GRID2: variants seen among roughly 807,000 people sequenced by gnomAD.
The protein encoded by GRID2 is glutamate receptor ionotropic, delta-2.
Under a neutral mutation model 114.8 loss-of-function variants are expected in GRID2, and 33 were observed. The ratio of observed to expected loss-of-function variants is 0.29; its 90% confidence interval spans 0.22 to 0.38. The LOEUF is 0.38. GRID2 is among the 10% of genes least tolerant of loss of function. The pLI, the probability that GRID2 is intolerant of heterozygous loss-of-function variation, is 1.00. For missense variants in GRID2, 1,184 were observed against 1,257.7 expected, an observed-to-expected ratio of 0.94 and a Z score of 0.89; for synonymous variants, 505 against 449.9, an observed-to-expected ratio of 1.12 and a Z score of -1.55.
chr4:92,322,844 T>C (rs1427496439), intron 1 of GRID2, among the ~76,000 whole-genome samples: 2 of 152,166 alleles, frequency 1.3e-5, no homozygotes, highest in Non-Finnish European at 2.9e-5. Flanking sequence ...ACTTTTACTT[T>C]TTCCTTCACA....
At chr4:92,692,795 G>T (rs1381395035) in intron 2 of GRID2, among the ~76,000 whole-genome samples, 6 of 152,046 alleles carry the variant, frequency 3.9e-5, no homozygotes, top group Non-Finnish European at 8.8e-5. Flanking sequence ...GGCAGAGGTG[G>T]GTGAATCACT....
At chr4:92,307,594 A>G (rs1008144942) in intron 1 of GRID2, among the ~76,000 whole-genome samples, 6 of 152,212 alleles carry the variant, frequency 3.9e-5, no homozygotes, top group African/African-American at 1.4e-4. Flanking sequence ...AAACTCTAAT[A>G]TGTTTTGTTA....
chr4:92,699,558 A>T (rs965732379), intron 2 of GRID2, among the ~76,000 whole-genome samples: 1 of 152,102 alleles, frequency 6.6e-6, no homozygotes, highest in Non-Finnish European at 1.5e-5. Context: ...ACTGACCACA[A>T]TTTTTTACTA....
At chr4:92,429,341 T>C (rs901439165) in intron 1 of GRID2, among the ~76,000 whole-genome samples, 13 of 152,244 alleles carry the variant, frequency 8.5e-5, no homozygotes, top group Admixed American at 3.9e-4. Flanking sequence ...AGTGAGAACA[T>C]GTGAACTTTG....
At chr4:92,802,943 A>G (rs1238260798) in intron 2 of GRID2, among the ~76,000 whole-genome samples, 1 of 151,998 alleles carries the variant, frequency 6.6e-6, no homozygotes, top group African/African-American at 2.4e-5. Context: ...CCATATGTGA[A>G]TCCCAAAGAA....
intron 1 of GRID2, among the ~76,000 whole-genome samples, chr4:92,411,643 G>GTATATATA (rs1452745976): frequency 2.1e-5 from 2 of 95,548 alleles, no homozygotes; most frequent in African/African-American, 1.0e-4. Flanking sequence ...GTGTGTGTGT[G>GTATATATA]TGTGTGTGTG....
chr4:93,464,232 A>C (rs1724048398), intron 11 of GRID2, among the ~76,000 whole-genome samples: 1 of 152,120 alleles, frequency 6.6e-6, no homozygotes. Context: ...ATTATTTAGA[A>C]TATAAATTTG....
chr4:93,456,583 A>G (rs10516921), intron 11 of GRID2, among the ~76,000 whole-genome samples: 6,044 of 152,246 alleles, frequency 0.04, 212 homozygotes, highest in African/African-American at 0.097. Context: ...AAACTTGTCC[A>G]ATTAATTATT....
At chr4:93,030,322 C>G (rs940421181) in intron 2 of GRID2, among the ~76,000 whole-genome samples, 3 of 151,858 alleles carry the variant, frequency 2.0e-5, no homozygotes, top group South Asian at 2.1e-4. Flanking sequence ...AATTTTAAAC[C>G]CTGCTTGAGG....
chr4:93,021,763 A>C (rs369649999), intron 2 of GRID2, among the ~76,000 whole-genome samples: 31 of 146,158 alleles, frequency 2.1e-4, no homozygotes, highest in African/African-American at 5.9e-4. Flanking sequence ...TAATATGAAT[A>C]TTATAATATT....
chr4:93,049,617 T>C (rs1432766576), intron 2 of GRID2, among the ~76,000 whole-genome samples: 1 of 151,920 alleles, frequency 6.6e-6, no homozygotes, highest in Non-Finnish European at 1.5e-5. Context: ...TATTTATTGC[T>C]ATTTTAAGAA....
At chr4:93,421,823 T>G (rs538045211) in intron 9 of GRID2, among the ~76,000 whole-genome samples, 1 of 149,210 alleles carries the variant, frequency 6.7e-6, no homozygotes, top group Non-Finnish European at 1.5e-5. Flanking sequence ...GGCTATTTTG[T>G]GAATCTCTGA....
chr4:93,515,928 T>A (rs1213065280), intron 13 of GRID2, among the ~76,000 whole-genome samples: 1 of 152,198 alleles, frequency 6.6e-6, no homozygotes, highest in African/African-American at 2.4e-5. Flanking sequence ...ATCTTACTTT[T>A]TCTATAACTA....
At chr4:93,691,712 A>C (rs535572387) in intron 14 of GRID2, among the ~76,000 whole-genome samples, 1 of 152,084 alleles carries the variant, frequency 6.6e-6, no homozygotes, top group Non-Finnish European at 1.5e-5. Flanking sequence ...CATTTTTTAA[A>C]TAGAAAATAA....
chr4:92,348,176 T>C (rs1467638446), intron 1 of GRID2, among the ~76,000 whole-genome samples: 1 of 152,140 alleles, frequency 6.6e-6, no homozygotes, highest in Admixed American at 6.5e-5. Flanking sequence ...ATGTTGCTCA[T>C]GTTGGTCTCA....
intron 4 of GRID2, among the ~76,000 whole-genome samples, chr4:93,164,279 A>G (rs1738042525): frequency 1.3e-5 from 2 of 152,090 alleles, no homozygotes; most frequent in South Asian, 4.1e-4. Context: ...CTTTGGGACT[A>G]AGATAACCCT....
At chr4:92,506,260 G>A (rs1232283571) in intron 1 of GRID2, among the ~76,000 whole-genome samples, 1 of 151,924 alleles carries the variant, frequency 6.6e-6, no homozygotes, top group Non-Finnish European at 1.5e-5. Flanking sequence ...GATTCTAAAT[G>A]ATTCTGTGAT....
intron 2 of GRID2, among the ~76,000 whole-genome samples, chr4:92,762,468 T>A (rs1738067477): frequency 6.6e-6 from 1 of 152,110 alleles, no homozygotes; most frequent in South Asian, 2.1e-4. Context: ...AAACATTTTA[T>A]TGTATCTTTT....
intron 10 of GRID2, among the ~76,000 whole-genome samples, chr4:93,445,144 T>A (rs756565047): frequency 3.7e-4 from 56 of 152,024 alleles, no homozygotes; most frequent in Non-Finnish European, 6.9e-4. Context: ...CTTATCTTCC[T>A]CCTTTCTTCT....
Sources: gnomAD v4.1 joint callset for allele counts (sites outside exome capture counted in the v4.1 genomes callset) on GRCh38, gnomAD v4.1.1 for gene constraint, MANE v1.5 for transcripts, NCBI Gene and HGNC (gene_info 2026-07-23, HGNC 2026-07-21) for gene names.